The following CCSER1 variants were observed in gnomAD, a reference collection of about 807,000 sequenced individuals.
CCSER1 encodes serine-rich coiled-coil domain-containing protein 1.
In CCSER1, 41 loss-of-function variants were observed where a neutral mutation model predicts 82.0. That is an observed-to-expected ratio of 0.50 (90% CI 0.39 to 0.65). CCSER1 has a LOEUF of 0.65. CCSER1 is among the 30% of genes least tolerant of loss of function. The probability of loss-of-function intolerance (pLI) is 0.00; values close to 1 mark genes in which losing one functional copy is unlikely to be tolerated. For missense variants in CCSER1, 1,119 were observed against 1,064.2 expected (o/e 1.05, Z -0.72); for synonymous variants, 414 against 383.9 (o/e 1.08, Z -0.92).
At chr4:91,549,023 T>G (rs1762031465) in intron 10 of CCSER1, among the ~76,000 whole-genome samples, 1 of 152,160 alleles carries the variant, frequency 6.6e-6, no homozygotes, top group Non-Finnish European at 1.5e-5. Context: ...ATCCCACAGT[T>G]CTTGGACATT....
chr4:90,478,480 T>C (rs867291075), intron 5 of CCSER1, among the ~76,000 whole-genome samples: 3 of 152,296 alleles, frequency 2.0e-5, no homozygotes, highest in African/African-American at 7.2e-5. Flanking sequence ...TAAATTAGGG[T>C]TGTAAACTAT....
chr4:91,148,520 T>C (rs1433347770), intron 10 of CCSER1, among the ~76,000 whole-genome samples: 1 of 152,028 alleles, frequency 6.6e-6, no homozygotes, highest in East Asian at 1.9e-4. Context: ...GTTCCAGGGT[T>C]CATGTGCGCA....
intron 10 of CCSER1, among the ~76,000 whole-genome samples, chr4:91,115,366 G>T (rs1726461886): frequency 6.6e-6 from 1 of 151,468 alleles, no homozygotes; most frequent in Non-Finnish European, 1.5e-5. Flanking sequence ...TTGCTCTGTT[G>T]CCCAGGCTGG....
intron 1 of CCSER1, among the ~76,000 whole-genome samples, chr4:90,164,295 T>C (rs1730039056): frequency 6.6e-6 from 1 of 151,974 alleles, no homozygotes; most frequent in African/African-American, 2.4e-5. Flanking sequence ...CTTCTACTGT[T>C]ACTTGTCTAT....
chr4:91,446,018 GA>G (rs1218444982), intron 10 of CCSER1, among the ~76,000 whole-genome samples: 8 of 152,010 alleles, frequency 5.3e-5, no homozygotes, highest in African/African-American at 1.7e-4. Context: ...TTATAAATAA[GA>G]AAAACAAGTG....
chr4:90,517,085 C>T (rs948124893), intron 5 of CCSER1, among the ~76,000 whole-genome samples: 5 of 152,130 alleles, frequency 3.3e-5, no homozygotes, highest in African/African-American at 1.2e-4. Flanking sequence ...AACATCATAG[C>T]TTAGCCTAGC....
At chr4:90,575,176 T>C (rs1780602192) in intron 5 of CCSER1, among the ~76,000 whole-genome samples, 1 of 152,224 alleles carries the variant, frequency 6.6e-6, no homozygotes, top group African/African-American at 2.4e-5. Context: ...TATGTTGCTA[T>C]AACAAAATTC....
At chr4:91,482,460 A>T (rs1464565807) in intron 10 of CCSER1, among the ~76,000 whole-genome samples, 1 of 149,964 alleles carries the variant, frequency 6.7e-6, no homozygotes, top group Non-Finnish European at 1.5e-5. Flanking sequence ...GCTGGAGAGG[A>T]TGTGTAGAAA....
chr4:90,282,487 T>G (rs1468538954), intron 1 of CCSER1, among the ~76,000 whole-genome samples: 1 of 151,394 alleles, frequency 6.6e-6, no homozygotes, highest in Non-Finnish European at 1.5e-5. Flanking sequence ...TGTTAATTTC[T>G]ATAATGCAAT....
chr4:90,737,558 T>A (rs1745866459), intron 7 of CCSER1, among the ~76,000 whole-genome samples: 3 of 152,158 alleles, frequency 2.0e-5, no homozygotes, highest in African/African-American at 7.2e-5. Flanking sequence ...ATCCTTGTCC[T>A]TTTTTAGTTT....
intron 9 of CCSER1, among the ~76,000 whole-genome samples, chr4:91,067,271 G>T (rs1720921509): frequency 6.6e-6 from 1 of 151,662 alleles, no homozygotes; most frequent in Non-Finnish European, 1.5e-5. Context: ...TTGGTAAAAT[G>T]ACTTTTACTG....
At chr4:90,507,936 G>A (rs1231454215) in intron 5 of CCSER1, among the ~76,000 whole-genome samples, 3 of 151,638 alleles carry the variant, frequency 2.0e-5, no homozygotes, top group African/African-American at 7.3e-5. Flanking sequence ...TATTTTATAT[G>A]GATATAATAT....
At chr4:91,151,639 C>T (rs991203482) in intron 10 of CCSER1, among the ~76,000 whole-genome samples, 2 of 152,188 alleles carry the variant, frequency 1.3e-5, no homozygotes, top group African/African-American at 4.8e-5. Context: ...CTACACACTG[C>T]TTTAACTGTG....
chr4:90,917,303 G>A (rs1248237649), intron 8 of CCSER1, among the ~76,000 whole-genome samples: 2 of 152,114 alleles, frequency 1.3e-5, no homozygotes, highest in Non-Finnish European at 2.9e-5. Flanking sequence ...AAGAAAATGT[G>A]GCACATATAC....
At chr4:90,537,329 GT>G (rs1775533077) in intron 5 of CCSER1, among the ~76,000 whole-genome samples, 1 of 151,370 alleles carries the variant, frequency 6.6e-6, no homozygotes, top group Non-Finnish European at 1.5e-5. Flanking sequence ...TATCTTTTTC[GT>G]TTTTAGGGGC....
intron 5 of CCSER1, among the ~76,000 whole-genome samples, chr4:90,572,902 G>A (rs969269778): frequency 7.2e-5 from 11 of 152,130 alleles, no homozygotes; most frequent in African/African-American, 2.7e-4. Context: ...CTTCATCCTT[G>A]TGATTGAGCA....
chr4:90,685,308 G>A lies in CCSER1; in HGVS notation c.1933-38606G>A, dbSNP rs530888512. 4.5e-4 allele frequency among the ~76,000 whole-genome samples: 68 copies of A among 152,096 alleles called. 1 individual carries two copies. In the East Asian group the frequency reaches 8.7e-3, roughly 20 times the overall value. On this transcript the variant is annotated intron_variant, in intron 6 of 10. Coordinates refer to ENST00000509176, the MANE Select transcript of CCSER1 (RefSeq NM_001145065.2). Reference sequence around the variant, plus strand: ...ACTCAGCCATATCAAAGAAAAAGAGGAACTGCCACTCTGTTTTCTTCTTGG... The same window carrying A: ...ACTCAGCCATATCAAAGAAAAAGAGAAACTGCCACTCTGTTTTCTTCTTGG...
chr4:90,539,551 G>A (rs888749419), intron 5 of CCSER1, among the ~76,000 whole-genome samples: 4 of 152,062 alleles, frequency 2.6e-5, no homozygotes, highest in African/African-American at 9.7e-5. Flanking sequence ...TTGATTGTGA[G>A]CCACTGGAAT....
chr4:90,273,403 A>G lies in CCSER1; in HGVS notation c.-41-34841A>G, dbSNP rs1329752365. On this transcript the variant is annotated intron_variant, in intron 1 of 10. Transcript: ENST00000509176. ...ACACAAAGGATCAGGGCTTGAGGTG[A>G]TAGATACCTCATTTGCCCTGATGTA... Among the ~76,000 whole-genome samples, 12 of 152,176 alleles carry G rather than the reference A, an allele frequency of 7.9e-5. 1 individual carries two copies. The highest frequency in any genetic ancestry group is 7.9e-4 in the Admixed American group (12 of 15,270).
Sources: gnomAD v4.1 joint callset for allele counts (sites outside exome capture counted in the v4.1 genomes callset) on GRCh38, gnomAD v4.1.1 for gene constraint, MANE v1.5 for transcripts, NCBI Gene and HGNC (gene_info 2026-07-23, HGNC 2026-07-21) for gene names.